WDFY1: variants seen among roughly 807,000 people sequenced by gnomAD.
WDFY1 encodes WD repeat and FYVE domain-containing protein 1.
WDFY1 carries 32 observed loss-of-function variants against 56.4 expected under a neutral mutation model. The ratio of observed to expected loss-of-function variants is 0.57; its 90% CI spans 0.43 to 0.76. The LOEUF is 0.76. Ranked by LOEUF, WDFY1 falls within the 30% of genes least tolerant of loss-of-function variation. WDFY1 has a pLI of 0.00. For missense variants in WDFY1, 480 were observed against 545.7 expected (o/e 0.88, Z 1.20); for synonymous variants, 192 against 197.3 (o/e 0.97, Z 0.23).
In WDFY1 at chr2:223,913,561, A is replaced by G. The variant is rs562177054; in HGVS notation, c.206-1235T>C. Reference sequence around the variant, plus strand: ...TATGACCACAAAGATATATATACATATCTTTATACAATCAAAATGTTCTTT... The same window carrying G: ...TATGACCACAAAGATATATATACATGTCTTTATACAATCAAAATGTTCTTT... On this transcript the variant is annotated intron_variant, in intron 2 of 11. Transcript: ENST00000233055. Among the ~76,000 whole-genome samples, 40 of 152,344 alleles carry G rather than the reference A, an allele frequency of 2.6e-4. 1 individual carries two copies. The South Asian group carries it at 8.1e-3, about 31-fold the overall frequency.
At chr2:223,926,644 A>ATGTGTG (rs1491558984) in intron 1 of WDFY1, among the ~76,000 whole-genome samples, 28 of 119,374 alleles carry the variant, frequency 2.3e-4, no homozygotes, top group Admixed American at 1.6e-3. Flanking sequence ...ATATATACAA[A>ATGTGTG]TATGTGCGTG....
Position 223,937,353 on chromosome 2 carries a change from A to T in WDFY1, c.137+7795T>A, listed in dbSNP as rs75711251. 1.2e-4 allele frequency among the ~76,000 whole-genome samples: 18 copies of T among 152,344 alleles called. No homozygotes were observed. In the East Asian group the frequency reaches 3.5e-3, roughly 29 times the overall value. The stretch of plus-strand genomic sequence containing the variant: ...CAAAATGCAAAATAAGTGGAAATGA[A>T]AATAATAATAGCTAACACTTGTATA... On this transcript the variant is annotated intron_variant, in intron 1 of 11. Coordinates refer to ENST00000233055, the MANE Select transcript of WDFY1 (RefSeq NM_020830.5).
At position 223,897,466 on chromosome 2, in the gene WDFY1, C is replaced by T. The variant is rs1253693638; in HGVS notation, c.598+1492G>A. Among the ~76,000 whole-genome samples, 4 of 149,796 alleles carry T rather than the reference C, an allele frequency of 2.7e-5. No homozygotes were observed. The Admixed American group carries it at 2.7e-4, about 10-fold the overall frequency. Reference sequence around the variant, plus strand: ...TGATCTTGGCTCACTGCAACCTCTGCCTCCCGGGTTCAAGAGATTCTCCTG... The same window carrying T: ...TGATCTTGGCTCACTGCAACCTCTGTCTCCCGGGTTCAAGAGATTCTCCTG... On this transcript the variant is annotated intron_variant, in intron 6 of 11. Coordinates refer to ENST00000233055, the MANE Select transcript of WDFY1 (RefSeq NM_020830.5).
intron 1 of WDFY1, among the ~76,000 whole-genome samples, chr2:223,942,181 A>C (rs1252644654): frequency 6.6e-6 from 1 of 152,136 alleles, no homozygotes. Flanking sequence ...CCCAAAACGC[A>C]TGATTCATGA....
intron 6 of WDFY1, among the ~76,000 whole-genome samples, chr2:223,896,177 A>AAAAAAAAAAAAAAAAC (rs1559165606): frequency 1.3e-5 from 2 of 148,298 alleles, no homozygotes; most frequent in African/African-American, 2.5e-5. Flanking sequence ...AAAAAAAAAA[A>AAAAAAAAAAAAAAAAC]AAAAAACTGC....
chr2:223,927,489 C>T (rs1694003344), intron 1 of WDFY1, among the ~76,000 whole-genome samples: 1 of 152,200 alleles, frequency 6.6e-6, no homozygotes, highest in Admixed American at 6.5e-5. Flanking sequence ...AACTTTTCTT[C>T]TGTAGCTTCC....
chr2:223,945,324 C>G lies in WDFY1; in HGVS notation c.-40G>C. The G allele has an allele frequency of 3.9e-6, 6 of 1,533,882 alleles. No individual in the cohort carries two copies. The highest frequency in any genetic ancestry group is 3.5e-6 in the Non-Finnish European group (4 of 1,149,520). On this transcript the variant is annotated 5_prime_UTR_variant, in exon 1 of 12. Coordinates refer to ENST00000233055, the MANE Select transcript of WDFY1 (RefSeq NM_020830.5). ...TGCTGCGGCCTCCTCGGCAGGCAGCCCATCAGCTGACGCCTGGGCGGGCGG... is the reference window on the plus strand; with the variant it reads ...TGCTGCGGCCTCCTCGGCAGGCAGCGCATCAGCTGACGCCTGGGCGGGCGG...
intron 4 of WDFY1, among the ~76,000 whole-genome samples, chr2:223,904,543 G>A (rs559999859): frequency 3.3e-5 from 5 of 152,196 alleles, no homozygotes; most frequent in South Asian, 2.1e-4. Context: ...GTGAGTCACC[G>A]TGCCTGGATG....
Position 223,905,950 on chromosome 2 carries a change from G to A in WDFY1, c.331C>T (p.Pro111Ser), listed in dbSNP as rs1297844081. ...AGATAATGTGTATTATAATTACCTG[G>A]GTAGGTCTTGATAAAGTTCATTTTA... ...FNKMNFIKTY[P>S]AHQNRVSAII... The change falls in exon 4 of 12, where the codon CCA (proline) becomes TCA (serine). Residue 111 changes from proline to serine, a missense_variant. Physicochemically the swap from Pro to Ser is moderately conservative, Grantham distance 74 (BLOSUM62 -1). Coordinates refer to ENST00000233055, the MANE Select transcript of WDFY1 (RefSeq NM_020830.5). 1 of 1,572,358 alleles carries A rather than the reference G, an allele frequency of 6.4e-7. No homozygotes were observed. Among genetic ancestry groups the A allele is most frequent in the Non-Finnish European group, 8.6e-7 (1 of 1,160,718 alleles).
rs1689389680 is a variant in WDFY1, at chr2:223,945,152, C to T, written c.133G>A (p.Asp45Asn). 1.3e-6 allele frequency: 2 copies of T among 1,592,280 alleles called. No homozygotes were observed. Among genetic ancestry groups the T allele is most frequent in the Admixed American group, 1.7e-5 (1 of 59,098 alleles). Reference protein sequence around the residue: ...KEDGVITASEDRTIRVWLKRD... With the variant: ...KEDGVITASENRTIRVWLKRD... ...CCGGCTGCGCCCGGGCCCTACCTGT[C>T]CTCGCTGGCCGTGATCACGCCGTCC... Residue 45 changes from aspartate (D) to asparagine (N), a missense_variant, in exon 1 of 12, where the codon GAC (aspartate) becomes AAC (asparagine). Coordinates refer to ENST00000233055, the MANE Select transcript of WDFY1 (RefSeq NM_020830.5).
chr2:223,935,876 C>T (rs1694160217), intron 1 of WDFY1, among the ~76,000 whole-genome samples: 1 of 151,956 alleles, frequency 6.6e-6, no homozygotes, highest in South Asian at 2.1e-4. Flanking sequence ...GGTCTGAATA[C>T]AGGAGAGAGG....
chr2:223,896,133 G>A (rs1355064266), intron 6 of WDFY1, among the ~76,000 whole-genome samples: 3 of 96,006 alleles, frequency 3.1e-5, no homozygotes, highest in Non-Finnish European at 6.1e-5. Flanking sequence ...TCCAGCCTGG[G>A]TGACAGAGTG....
At chr2:223,897,367 TATATATATATATA>T (rs1693401416) in intron 6 of WDFY1, among the ~76,000 whole-genome samples, 4 of 31,568 alleles carry the variant, frequency 1.3e-4, no homozygotes, top group Non-Finnish European at 2.2e-4. Flanking sequence ...TATATATATA[TATATATATATATA>T]TATATATATA....
chr2:223,878,822 T>A, intron 11 of WDFY1, 92 bp from the exon 12 acceptor site: 4 of 1,437,030 alleles, frequency 2.8e-6, no homozygotes, highest in South Asian at 2.4e-5. Flanking sequence ...CTGTTAAACC[T>A]GAAAAGGTGT....
intron 1 of WDFY1, among the ~76,000 whole-genome samples, chr2:223,928,805 T>C (rs1694026161): frequency 6.6e-6 from 1 of 152,246 alleles, no homozygotes; most frequent in Non-Finnish European, 1.5e-5. Flanking sequence ...GGCCTTCAAA[T>C]GAACTTGTGC....
At chr2:223,919,678 T>C (rs1049871006) in intron 1 of WDFY1, among the ~76,000 whole-genome samples, 2 of 152,172 alleles carry the variant, frequency 1.3e-5, no homozygotes, top group African/African-American at 4.8e-5. Context: ...CGTGACCCAT[T>C]TTTGTATTTC....
chr2:223,893,029 G>T (rs1017600242), intron 8 of WDFY1, among the ~76,000 whole-genome samples: 7 of 152,140 alleles, frequency 4.6e-5, no homozygotes, highest in Non-Finnish European at 5.9e-5. Flanking sequence ...AGAAAAGAAA[G>T]ATAATGACAG....
intron 1 of WDFY1, among the ~76,000 whole-genome samples, chr2:223,936,071 TTTTTTTTG>T (rs1364148698): frequency 1.9e-5 from 1 of 53,184 alleles, no homozygotes; most frequent in African/African-American, 5.4e-5. Context: ...TTTTTTTTTT[TTTTTTTTG>T]GGGACAGAGT....
rs1299715098 is a variant in WDFY1 at position 223,875,484 on chromosome 2, A to T, written c.*3187T>A. On this transcript the variant is annotated 3_prime_UTR_variant, in exon 12 of 12. Transcript: ENST00000233055. ...AGGGCACCATATCTTATAGAAACAT[A>T]GCTAGTACAAGAACAAAGTGTACTA... is the stretch of plus-strand genomic sequence containing the variant. The T allele has an allele frequency of 6.6e-6, 1 of 152,202 alleles. No homozygotes were observed. The highest frequency in any genetic ancestry group is 1.9e-4 in the East Asian group (1 of 5,200). 9.4% of individuals were successfully genotyped at this position (152,202 alleles called of 1,614,324 possible).
Sources: allele counts gnomAD v4.1 joint callset (sites outside exome capture counted in the v4.1 genomes callset), GRCh38; gene constraint gnomAD v4.1.1; transcripts MANE v1.5; gene names NCBI Gene and HGNC (gene_info 2026-07-23, HGNC 2026-07-21).